The following AADACL2 variants were observed in gnomAD, a reference collection of about 807,000 sequenced individuals.
AADACL2 encodes the protein arylacetamide deacetylase like 2, also known as arylacetamide deacetylase-like 2.
A neutral mutation model predicts 22.3 loss-of-function variants in AADACL2; 23 were observed. That is an observed-to-expected ratio of 1.03 (90% CI 0.74 to 1.46). The LOEUF is 1.46. Among genes scored for constraint, AADACL2 ranks in the 40% most tolerant of loss-of-function variants. The pLI, the probability that AADACL2 is intolerant of heterozygous loss-of-function variation, is 0.00. For synonymous variants in AADACL2, 177 were observed against 166.2 expected (o/e 1.07, Z -0.50); for missense variants, 472 against 482.9 (o/e 0.98, Z 0.21).
At chr3:151,748,467 T>C (rs965653242) in intron 4 of AADACL2, among the ~76,000 whole-genome samples, 1 of 152,198 alleles carries the variant, frequency 6.6e-6, no homozygotes, top group Non-Finnish European at 1.5e-5. Context: ...ATGTTGAAAT[T>C]TGATCCCCAA....
intron 1 of AADACL2, among the ~76,000 whole-genome samples, chr3:151,740,152 A>G (rs1713230446): frequency 6.6e-6 from 1 of 152,214 alleles, no homozygotes; most frequent in Non-Finnish European, 1.5e-5. Context: ...ACATGAGAGC[A>G]TCTCCTGATC....
intron 1 of AADACL2, among the ~76,000 whole-genome samples, chr3:151,736,302 CTT>C (rs10575713): frequency 0.011 from 1,519 of 138,376 alleles, 16 homozygotes; most frequent in African/African-American, 0.033. Context: ...AAGGATTTAT[CTT>C]TTTTTTTTTT....
rs753573294 is a variant in AADACL2, at chr3:151,759,930, T to C, written c.*2336T>C. On this transcript the variant is annotated 3_prime_UTR_variant, in exon 5 of 5. Transcript: ENST00000356517. ...TCGTCTGTTATAATGTATTTTACTTTATTTTTAAATTTCATTTTAAATTGA... is the reference window on the plus strand; with the variant it reads ...TCGTCTGTTATAATGTATTTTACTTCATTTTTAAATTTCATTTTAAATTGA... The C allele has an allele frequency of 4.6e-5, 7 of 152,228 alleles. No individual in the cohort carries two copies. Among genetic ancestry groups the C allele is most frequent in the Non-Finnish European group, 8.8e-5 (6 of 68,032 alleles). The allele number at this position is 152,228 out of a possible 1,614,324, so 9.4% of individuals were successfully genotyped here. A position where few individuals can be genotyped will look rare whatever the true frequency, so the allele number is the denominator to read the frequency against.
At chr3:151,735,385 A>T (rs1180479164) in intron 1 of AADACL2, among the ~76,000 whole-genome samples, 1 of 152,232 alleles carries the variant, frequency 6.6e-6, no homozygotes, top group Non-Finnish European at 1.5e-5. Flanking sequence ...TAGTAGCATA[A>T]GATGCTGGTT....
chr3:151,734,336 C>T (rs1713023427), intron 1 of AADACL2, among the ~76,000 whole-genome samples, 163 bp downstream of exon 1: 1 of 152,080 alleles, frequency 6.6e-6, no homozygotes, highest in African/African-American at 2.4e-5. Context: ...ATAAAACTCC[C>T]TATATCTGTG....
At position 151,761,203 on chromosome 3, in the gene AADACL2, TGATATATATATATATA is replaced by T. The variant is rs1560290295; in HGVS notation, c.*3610_*3625del. 2 of 55,208 alleles carry T rather than the reference TGATATATATATATATA, an allele frequency of 3.6e-5. No homozygotes were observed. The highest frequency in any genetic ancestry group is 6.7e-5 in the African/African-American group (1 of 14,992). The allele number at this position is 55,208 out of a possible 1,614,324, so 3.4% of individuals were successfully genotyped here. Reference sequence around the variant, plus strand: ...TATATGGTGAGATATATACATATTGTGATATATATATATATATATATATATATATATATATATATGA... The same window carrying T: ...TATATGGTGAGATATATACATATTGTTATATATATATATATATATATATGA... On this transcript the variant is annotated 3_prime_UTR_variant, in exon 5 of 5. Coordinates refer to ENST00000356517, the MANE Select transcript of AADACL2 (RefSeq NM_207365.4).
rs1050127592 is a variant in AADACL2 at position 151,760,550 on chromosome 3, G to C, written c.*2956G>C. 5 of 152,422 alleles carry C rather than the reference G, an allele frequency of 3.3e-5. No individual in the cohort carries two copies. The highest frequency in any genetic ancestry group is 1.2e-4 in the African/African-American group (5 of 41,418). 9.4% of individuals were successfully genotyped at this position (152,422 alleles called of 1,614,324 possible). On this transcript the variant is annotated 3_prime_UTR_variant, in exon 5 of 5. Transcript: ENST00000356517. The stretch of plus-strand genomic sequence containing the variant: ...CTGTTATTTTTCTGATAATCTGCCT[G>C]TGTCTCCTGGAAACATAAGGTGTAG...
At chr3:151,742,679 A>G (rs928213869) in intron 2 of AADACL2, among the ~76,000 whole-genome samples, 1 of 152,152 alleles carries the variant, frequency 6.6e-6, no homozygotes, top group Non-Finnish European at 1.5e-5. Flanking sequence ...TTGTTCCCAG[A>G]GAAGGCAGCT....
intron 4 of AADACL2, among the ~76,000 whole-genome samples, chr3:151,746,250 G>T (rs187835243): frequency 4.0e-5 from 6 of 151,400 alleles, no homozygotes; most frequent in Admixed American, 3.9e-4. Context: ...ATTGGAATTT[G>T]TAATTTGTAA....
At chr3:151,734,570 G>A (rs139288289) in intron 1 of AADACL2, among the ~76,000 whole-genome samples, 43 of 152,160 alleles carry the variant, frequency 2.8e-4, no homozygotes, top group African/African-American at 9.4e-4. Context: ...GTAACTCTTT[G>A]ATATTAATTT....
chr3:151,755,904 G>C (rs542986077), intron 4 of AADACL2, among the ~76,000 whole-genome samples: 7 of 152,130 alleles, frequency 4.6e-5, no homozygotes, highest in African/African-American at 1.7e-4. Context: ...GAGAGATTTG[G>C]GATCTAGGAA....
intron 4 of AADACL2, among the ~76,000 whole-genome samples, chr3:151,747,022 A>AT (rs1713473566): frequency 6.6e-6 from 1 of 151,922 alleles, no homozygotes; most frequent in Non-Finnish European, 1.5e-5. Flanking sequence ...TGAGAGAAAA[A>AT]TTACACTAGC....
rs1011146215 is a variant in AADACL2, at chr3:151,743,369, C to T, written c.362-724C>T. On this transcript the variant is annotated intron_variant, in intron 2 of 4. Coordinates refer to ENST00000356517, the MANE Select transcript of AADACL2 (RefSeq NM_207365.4). ...CAGCAGCAGATGTTACAGAATTTGCCAAGGTGCTTGGCCAGGGCCCTGGTA... is the reference window on the plus strand; with the variant it reads ...CAGCAGCAGATGTTACAGAATTTGCTAAGGTGCTTGGCCAGGGCCCTGGTA... Among the ~76,000 whole-genome samples, 3 of 152,000 alleles carry T rather than the reference C, an allele frequency of 2.0e-5. No homozygotes were observed. In the East Asian group the frequency reaches 5.8e-4, roughly 29 times the overall value.
At position 151,759,871 on chromosome 3, in the gene AADACL2, CA is replaced by C. The variant is rs1714086520; in HGVS notation, c.*2279del. 1 of 152,040 alleles carries C rather than the reference CA, an allele frequency of 6.6e-6. No homozygotes were observed. The highest frequency in any genetic ancestry group is 2.1e-4 in the South Asian group (1 of 4,832). 9.4% of individuals were successfully genotyped at this position (152,040 alleles called of 1,614,324 possible). On this transcript the variant is annotated 3_prime_UTR_variant, in exon 5 of 5. Transcript: ENST00000356517. ...TGTGTGGTGGCATGAGCATTGTGAT[CA>C]AGCCATTAAGTTTGGAAACAACTGA...
intron 4 of AADACL2, among the ~76,000 whole-genome samples, chr3:151,747,378 A>G (rs935945332): frequency 6.6e-6 from 1 of 151,998 alleles, no homozygotes; most frequent in Non-Finnish European, 1.5e-5. Context: ...CCTTTCACCA[A>G]TATCTCCCTG....
rs375503529 is a variant in AADACL2 at position 151,759,667 on chromosome 3, T to C, written c.*2073T>C. 5.3e-5 allele frequency: 8 copies of C among 152,346 alleles called. No individual in the cohort carries two copies. Among genetic ancestry groups the C allele is most frequent in the Non-Finnish European group, 1.2e-4 (8 of 68,032 alleles). 9.4% of individuals were successfully genotyped at this position (152,346 alleles called of 1,614,324 possible). A position where few individuals can be genotyped will look rare whatever the true frequency, so the allele number is the denominator to read the frequency against. On this transcript the variant is annotated 3_prime_UTR_variant, in exon 5 of 5. Coordinates refer to ENST00000356517, the MANE Select transcript of AADACL2 (RefSeq NM_207365.4). Reference sequence around the variant, plus strand: ...TGCTAAGGTAGGCCAGTCAATCCTTTTTTATTTATTTTGTAAATTTGGTCC... The same window carrying C: ...TGCTAAGGTAGGCCAGTCAATCCTTCTTTATTTATTTTGTAAATTTGGTCC...
At chr3:151,736,412 T>A (rs1576609887) in intron 1 of AADACL2, among the ~76,000 whole-genome samples, 1 of 151,828 alleles carries the variant, frequency 6.6e-6, no homozygotes, top group African/African-American at 2.4e-5. Context: ...ACCTATCAAC[T>A]CGTCATCTAG....
intron 4 of AADACL2, among the ~76,000 whole-genome samples, chr3:151,748,958 T>C (rs1713553754): frequency 6.6e-6 from 1 of 152,234 alleles, no homozygotes; most frequent in Non-Finnish European, 1.5e-5. Context: ...CTTTGCAGTT[T>C]ATTTTGAAAT....
At chr3:151,745,163 A>T (rs921685436) in intron 3 of AADACL2, among the ~76,000 whole-genome samples, 10 of 151,998 alleles carry the variant, frequency 6.6e-5, no homozygotes, top group South Asian at 4.1e-4. Context: ...AAGCATTTTT[A>T]AAAAAATGTT....
Sources: gnomAD v4.1 joint callset for allele counts (sites outside exome capture counted in the v4.1 genomes callset) on GRCh38, gnomAD v4.1.1 for gene constraint, MANE v1.5 for transcripts, NCBI Gene and HGNC (gene_info 2026-07-23, HGNC 2026-07-21) for gene names.